Variants in SLC4A1 observed in about 807,000 individuals in gnomAD.
SLC4A1 encodes solute carrier family 4 member 1 (Diego blood group).
SLC4A1 carries 29 observed loss-of-function variants against 93.1 expected under a neutral mutation model. The observed-to-expected ratio is 0.31, with a 90% confidence interval of 0.23 to 0.42. The LOEUF (loss-of-function observed/expected upper bound fraction) is 0.42. SLC4A1 is among the 20% of genes least tolerant of loss of function. The probability of loss-of-function intolerance (pLI) is 1.00; values close to 1 mark genes in which losing one functional copy is unlikely to be tolerated. For synonymous variants in SLC4A1, 469 were observed against 497.2 expected, an observed-to-expected ratio of 0.94 and a Z score of 0.76; for missense variants, 965 against 1,190.1, an observed-to-expected ratio of 0.81 and a Z score of 2.78.
At chr17:44,267,360 T>C (rs2047503829) in intron 1 of SLC4A1, among the ~76,000 whole-genome samples, 2 of 152,226 alleles carry the variant, frequency 1.3e-5, no homozygotes, top group African/African-American at 4.8e-5. Context: ...CATAGACCTG[T>C]TGTAAGCATT....
chr17:44,256,014 G>C (rs1225664557), intron 13 of SLC4A1, among the ~76,000 whole-genome samples, 168 bp from the exon 14 acceptor site: 1 of 151,898 alleles, frequency 6.6e-6, no homozygotes, highest in East Asian at 1.9e-4. Context: ...ATTATCCATT[G>C]ATCATCCATT....
intron 7 of SLC4A1, 49 bp from the exon 8 acceptor site, chr17:44,259,630 G>A (rs1203926661): frequency 3.9e-6 from 6 of 1,537,124 alleles, no homozygotes; most frequent in Non-Finnish European, 1.8e-6. Flanking sequence ...GTCTGACCTG[G>A]GAGACCTGAG....
In SLC4A1 at chr17:44,258,250, G is replaced by A; in HGVS notation, c.1088-70C>T. On this transcript the variant is annotated intron_variant, in intron 10 of 19. Coordinates refer to ENST00000262418, the MANE Select transcript of SLC4A1 (RefSeq NM_000342.4). The surrounding 1 kb of genome is among the most constrained non-coding windows in gnomAD (Gnocchi z 6.1). ...AGGTGAGGGGAAAGGGGACTGGAGG[G>A]TGTAGGGGAGATTGTCTGATGGGAA... The A allele has an allele frequency of 1.3e-6, 2 of 1,503,058 alleles. No individual in the cohort carries two copies. Among genetic ancestry groups the A allele is most frequent in the Non-Finnish European group, 9.3e-7 (1 of 1,081,016 alleles). The allele number at this position is 1,503,058 out of a possible 1,614,324, so 93.1% of individuals were successfully genotyped here. A position where few individuals can be genotyped will look rare whatever the true frequency, so the allele number is the denominator to read the frequency against.
At position 44,250,284 on chromosome 17, in the gene SLC4A1, A is replaced by G. The variant is rs566850650; in HGVS notation, c.*174T>C. On this transcript the variant is annotated 3_prime_UTR_variant, in exon 20 of 20. Coordinates refer to ENST00000262418, the MANE Select transcript of SLC4A1 (RefSeq NM_000342.4). The stretch of plus-strand genomic sequence containing the variant: ...CATCCCCAGCCAGAAAAGCCAGGCT[A>G]CCCTTTGTGGAAGGTCTCCTGGACA... The G allele has an allele frequency of 3.2e-6, 2 of 623,600 alleles. No homozygotes were observed. The highest frequency in any genetic ancestry group is 5.8e-6 in the Non-Finnish European group (2 of 343,514). 38.6% of individuals were successfully genotyped at this position (623,600 alleles called of 1,614,324 possible).
At position 44,263,700 on chromosome 17, in the gene SLC4A1, CCCTTCCCTCCTT is replaced by C. The variant is rs1297316791; in HGVS notation, c.-68-778_-68-767del. ...GTTTCTTTTCCCTCCCTCCTTCCCT[CCCTTCCCTCCTT>C]CCTTCCTTCCTTCCTTCCTTCCTTC... is the stretch of plus-strand genomic sequence containing the variant. On this transcript the variant is annotated intron_variant, in intron 1 of 19. Coordinates refer to ENST00000262418, the MANE Select transcript of SLC4A1 (RefSeq NM_000342.4). 4.7e-4 allele frequency among the ~76,000 whole-genome samples: 41 copies of C among 87,570 alleles called. 1 individual carries two copies. In the East Asian group the frequency reaches 0.013, roughly 28 times the overall value. The allele number at this position is 87,570 out of a possible 152,430, so 57.4% of individuals were successfully genotyped here. A position where few individuals can be genotyped will look rare whatever the true frequency, so the allele number is the denominator to read the frequency against.
At chr17:44,257,084 C>T (rs1407316490) in intron 13 of SLC4A1, among the ~76,000 whole-genome samples, 6 of 151,972 alleles carry the variant, frequency 3.9e-5, no homozygotes, top group Non-Finnish European at 7.4e-5. Flanking sequence ...CTCCACCTCC[C>T]GGGTTCAAGC....
rs762119714 is a variant in SLC4A1 at position 44,250,420 on chromosome 17, G to A, written c.*38C>T. The A allele has an allele frequency of 6.6e-7, 1 of 1,513,062 alleles. No individual in the cohort carries two copies. Among genetic ancestry groups the A allele is most frequent in the Admixed American group, 1.7e-5 (1 of 59,918 alleles). The allele number at this position is 1,513,062 out of a possible 1,614,324, so 93.7% of individuals were successfully genotyped here. A position where few individuals can be genotyped will look rare whatever the true frequency, so the allele number is the denominator to read the frequency against. On this transcript the variant is annotated 3_prime_UTR_variant, in exon 20 of 20. Transcript: ENST00000262418. ...GCTTTTCCTTGGAAGGTGGGGATGTGGAATGGTGGGGGAGGGTCTAGGGCC... is the reference window on the plus strand; with the variant it reads ...GCTTTTCCTTGGAAGGTGGGGATGTAGAATGGTGGGGGAGGGTCTAGGGCC...
chr17:44,259,382 C>T (rs759524136), intron 8 of SLC4A1, 38 bp from the exon 9 acceptor site: 110 of 1,611,636 alleles, frequency 6.8e-5, no homozygotes, highest in Middle Eastern at 6.6e-4. Context: ...GGCCGAGGAG[C>T]CCAGGGTGGG....
rs746426065 is a variant in SLC4A1, at chr17:44,251,205, C to T, written c.2609G>A (p.Arg870Gln). 15 of 1,613,218 alleles carry T rather than the reference C, an allele frequency of 9.3e-6. No individual in the cohort carries two copies. The highest frequency in any genetic ancestry group is 2.2e-5 in the South Asian group (2 of 90,944). The change falls in exon 19 of 20, where the codon CGG becomes CAG. Residue 870 changes from arginine to glutamine, a missense_variant. Around this residue, in one of 2 missense-constraint regions of SLC4A1, gnomAD observed 770 missense variants for 1,006.6 expected, o/e 0.76. Transcript: ENST00000262418. ...PFVLILTVPL[R>Q]RVLLPLIFRN... is the part of the protein sequence containing the mutation. Reference sequence around the variant, plus strand: ...GAAGATGAGCGGCAGCAGGACGCGCCGCAGCGGCACAGTGAGGATGAGGAC... The same window carrying T: ...GAAGATGAGCGGCAGCAGGACGCGCTGCAGCGGCACAGTGAGGATGAGGAC...
At position 44,258,601 on chromosome 17, in the gene SLC4A1, A is replaced by G. The variant is rs1369716888; in HGVS notation, c.899T>C (p.Met300Thr). 6.2e-7 allele frequency: 1 copy of G among 1,607,782 alleles called. No homozygotes were observed. The highest frequency in any genetic ancestry group is 8.5e-7 in the Non-Finnish European group (1 of 1,177,602). Residue 300 changes from methionine to threonine, a missense_variant, in exon 10 of 20, where the codon ATG becomes ACG. Physicochemically the swap from Met to Thr is moderately conservative, Grantham distance 81. This residue lies in a region of SLC4A1 where 770 missense variants were observed against 1,006.6 expected (regional missense o/e 0.76). Transcript: ENST00000262418. This position sits in a 1 kb window ranked among gnomAD's most constrained non-coding sequence, Gnocchi z 6.1. ...SERVFRIDAY[M>T]AQSRGELLHS... ...CAGCAGCTCCCCTCGGCTCTGAGCC[A>G]TGTAGGCATCTATGCGGAACACCTA... is the stretch of plus-strand genomic sequence containing the variant.
intron 7 of SLC4A1, 40 bp from the exon 8 acceptor site, chr17:44,259,621 T>C (rs1249260431): frequency 1.9e-6 from 3 of 1,564,972 alleles, no homozygotes; most frequent in Admixed American, 3.3e-5. Context: ...CTCGGGCCAG[T>C]CTGACCTGGG....
Position 44,259,003 on chromosome 17 carries a change from G to A in SLC4A1, c.876+160C>T, listed in dbSNP as rs184052948. Among the ~76,000 whole-genome samples, 5 of 152,290 alleles carry A rather than the reference G, an allele frequency of 3.3e-5. No individual in the cohort carries two copies. The East Asian group carries it at 9.6e-4, about 29-fold the overall frequency. On this transcript the variant is annotated intron_variant, in intron 9 of 19. Coordinates refer to ENST00000262418, the MANE Select transcript of SLC4A1 (RefSeq NM_000342.4). ...AGGCCAGAGCAGGGCCAGACTGCAC[G>A]CCCCGACTGCCCCCGCCAGGTAGGA...
At chr17:44,267,547 A>C (rs1408090881) in intron 1 of SLC4A1, among the ~76,000 whole-genome samples, 1 of 152,160 alleles carries the variant, frequency 6.6e-6, no homozygotes, top group Non-Finnish European at 1.5e-5. Context: ...GTGTTTTGAG[A>C]TTCTCATGTG....
chr17:44,258,562 C>T lies in SLC4A1; in HGVS notation c.938G>A (p.Gly313Asp). The change falls in exon 10 of 20, where the codon GGC (glycine) becomes GAC (aspartate). Residue 313 changes from glycine (G) to aspartate (D), a missense_variant. Gly to Asp is a moderately conservative substitution (Grantham distance 94). This residue lies in a region of SLC4A1 where 770 missense variants were observed against 1,006.6 expected (regional missense o/e 0.76). Coordinates refer to ENST00000262418, the MANE Select transcript of SLC4A1 (RefSeq NM_000342.4). The surrounding 1 kb of genome is among the most constrained non-coding windows in gnomAD (Gnocchi z 6.1). ...SRGELLHSLE[G>D]FLDCSLVLPP... ...CAGCACTAGGCTGCAGTCCAGGAAG[C>T]CCTCTAGGGAGTGCAGCAGCTCCCC... 1 of 1,613,394 alleles carries T rather than the reference C, an allele frequency of 6.2e-7. No individual in the cohort carries two copies. Among genetic ancestry groups the T allele is most frequent in the South Asian group, 1.1e-5 (1 of 91,062 alleles).
Position 44,255,192 on chromosome 17 carries a change from G to A in SLC4A1, c.1890+15C>T. The stretch of plus-strand genomic sequence containing the variant: ...TGGGGGGTATCATGGTCTGAGGGCT[G>A]GGAGGAGGGGTCACCTGGGTGTAGG... On this transcript the variant is annotated intron_variant, in intron 15 of 19. Coordinates refer to ENST00000262418, the MANE Select transcript of SLC4A1 (RefSeq NM_000342.4). The A allele has an allele frequency of 6.5e-7, 1 of 1,541,954 alleles. No individual in the cohort carries two copies. Among genetic ancestry groups the A allele is most frequent in the Non-Finnish European group, 8.8e-7 (1 of 1,137,668 alleles).
chr17:44,259,603 C>G (rs532505327), intron 7 of SLC4A1, 22 bp from the exon 8 acceptor site: 6 of 1,586,054 alleles, frequency 3.8e-6, no homozygotes, highest in Middle Eastern at 1.7e-4. Flanking sequence ...AGGGTGGTGA[C>G]GGGAGTCCTC....
intron 1 of SLC4A1, among the ~76,000 whole-genome samples, chr17:44,266,916 AC>A (rs1231197275): frequency 4.6e-5 from 7 of 152,204 alleles, no homozygotes; most frequent in Admixed American, 2.0e-4. Context: ...GTGGTATGGC[AC>A]CACCTTTGTG....
At position 44,255,282 on chromosome 17, in the gene SLC4A1, G is replaced by A. The variant is rs2047379019; in HGVS notation, c.1815C>T (p.Ile605=). ...SYFPGKLRRV[I]GDFGVPISIL... ...TGGAGATGGGGACCCCGAAGTCCCC[G>A]ATGACCCGACGCAGCTGGGGGCAGG... Residue 605 remains isoleucine (I), a synonymous_variant, in exon 15 of 20, where the codon ATC becomes ATT. Transcript: ENST00000262418. 31 of 1,555,934 alleles carry A rather than the reference G, an allele frequency of 2.0e-5. No homozygotes were observed. The highest frequency in any genetic ancestry group is 2.6e-5 in the Non-Finnish European group (30 of 1,149,106).
intron 16 of SLC4A1, among the ~76,000 whole-genome samples, chr17:44,253,622 G>A (rs900805510): frequency 2.8e-4 from 42 of 151,640 alleles, no homozygotes; most frequent in Non-Finnish European, 4.4e-5. Context: ...TGCTTGTACA[G>A]GCCCCTCCAA....
Sources: gnomAD v4.1 joint callset for allele counts (sites outside exome capture counted in the v4.1 genomes callset) on GRCh38, gnomAD v4.1.1 for gene constraint, gnomAD v4.1.1 regional missense constraint, Gnocchi (gnomAD v3.1) non-coding constraint, MANE v1.5 for transcripts, NCBI Gene and HGNC (gene_info 2026-07-23, HGNC 2026-07-21) for gene names.